The following PDGFRB variants were observed in gnomAD, a reference collection of about 807,000 sequenced individuals.
The protein encoded by PDGFRB is platelet-derived growth factor receptor beta.
In PDGFRB, 42 loss-of-function variants were observed where a neutral mutation model predicts 120.2. That is an observed-to-expected ratio of 0.35 (90% CI 0.27 to 0.45). The LOEUF is 0.45. PDGFRB is among the 20% of genes least tolerant of loss of function. PDGFRB has a pLI of 1.00. For synonymous variants in PDGFRB, 586 were observed against 606.8 expected (o/e 0.97, Z 0.50); for missense variants, 1,149 against 1,476.3 (o/e 0.78, Z 3.63).
rs1580798188 is a variant in PDGFRB, at chr5:150,123,077, G to A, written c.2148C>T (p.Tyr716=). 1 of 1,613,664 alleles carries A rather than the reference G, an allele frequency of 6.2e-7. No individual in the cohort carries two copies. Among genetic ancestry groups the A allele is most frequent in the Admixed American group, 1.7e-5 (1 of 60,012 alleles). The change falls in exon 15 of 23, where the codon TAC becomes TAT. Residue 716 remains tyrosine (Y), a synonymous_variant. Coordinates refer to ENST00000261799, the MANE Select transcript of PDGFRB (RefSeq NM_002609.4). ...DKRRPPSAEL[Y]SNALPVGLPL... ...GGAGCCCAACGGGCAGAGCATTGCTGTAGAGCTCCGCGCTGGGCGGGCGGC... is the reference window on the plus strand; with the variant it reads ...GGAGCCCAACGGGCAGAGCATTGCTATAGAGCTCCGCGCTGGGCGGGCGGC...
At chr5:150,140,134 C>G (rs1367521067) in intron 1 of PDGFRB, among the ~76,000 whole-genome samples, 1 of 152,124 alleles carries the variant, frequency 6.6e-6, no homozygotes, top group Non-Finnish European at 1.5e-5. Flanking sequence ...GGCACCCAGA[C>G]ATGACTTCCC....
rs768971476 is a variant in PDGFRB at position 150,129,799 on chromosome 5, C to T, written c.1537G>A (p.Ala513Thr). 22 of 1,613,824 alleles carry T rather than the reference C, an allele frequency of 1.4e-5. No individual in the cohort carries two copies. Among genetic ancestry groups the T allele is most frequent in the Admixed American group, 1.7e-5 (1 of 60,006 alleles). ...PLSVRCTLRN[A>T]VGQDTQEVIV... Reference sequence around the variant, plus strand: ...ACCTCCTGCGTGTCCTGGCCCACAGCGTTGCGCAGCGTGCAGCGCACCGAC... The same window carrying T: ...ACCTCCTGCGTGTCCTGGCCCACAGTGTTGCGCAGCGTGCAGCGCACCGAC... Residue 513 changes from alanine (A) to threonine (T), a missense_variant, in exon 10 of 23, where the codon GCT (alanine) becomes ACT (threonine). By Grantham distance (58) the Ala-to-Thr change is moderately conservative (BLOSUM62 0). Transcript: ENST00000261799.
intron 1 of PDGFRB, among the ~76,000 whole-genome samples, chr5:150,138,096 C>T (rs1760688548): frequency 6.6e-6 from 1 of 152,190 alleles, no homozygotes; most frequent in African/African-American, 2.4e-5. Flanking sequence ...AGACACACCT[C>T]AGGTCCCAAG....
At chr5:150,128,522 T>C (rs1017014480) in intron 10 of PDGFRB, among the ~76,000 whole-genome samples, 2 of 152,224 alleles carry the variant, frequency 1.3e-5, no homozygotes, top group Admixed American at 1.3e-4. Context: ...CCCCTTTATC[T>C]GCCACCCTTC....
chr5:150,141,979 G>A (rs952903248), intron 1 of PDGFRB, among the ~76,000 whole-genome samples: 2 of 151,960 alleles, frequency 1.3e-5, no homozygotes, highest in Non-Finnish European at 2.9e-5. Flanking sequence ...CAGGGAGAGG[G>A]GGGTGCTGGG....
intron 10 of PDGFRB, among the ~76,000 whole-genome samples, chr5:150,127,114 A>G (rs1001867432): frequency 6.6e-6 from 1 of 152,196 alleles, no homozygotes; most frequent in Non-Finnish European, 1.5e-5. Context: ...TGAGACCCCC[A>G]GCCTGATGAA....
chr5:150,125,428 G>T lies in PDGFRB; in HGVS notation c.1807+17C>A. On this transcript the variant is annotated intron_variant, in intron 12 of 22. Coordinates refer to ENST00000261799, the MANE Select transcript of PDGFRB (RefSeq NM_002609.4). Reference sequence around the variant, plus strand: ...CTTGAGTCCCCACACTGCCACATGAGGCCTCTCAGGACTGACCCAGCACAA... The same window carrying T: ...CTTGAGTCCCCACACTGCCACATGATGCCTCTCAGGACTGACCCAGCACAA... 6.2e-7 allele frequency: 1 copy of T among 1,601,100 alleles called. No individual in the cohort carries two copies. The highest frequency in any genetic ancestry group is 1.1e-5 in the South Asian group (1 of 90,154).
intron 3 of PDGFRB, among the ~76,000 whole-genome samples, 189 bp from the exon 4 acceptor site, chr5:150,135,205 G>A (rs975274991): frequency 6.6e-6 from 1 of 152,196 alleles, no homozygotes; most frequent in Non-Finnish European, 1.5e-5. Flanking sequence ...GATATTGACA[G>A]TGCCAGGGTA....
At chr5:150,149,296 C>A (rs1204286589) in intron 1 of PDGFRB, among the ~76,000 whole-genome samples, 1 of 152,192 alleles carries the variant, frequency 6.6e-6, no homozygotes, top group Non-Finnish European at 1.5e-5. Context: ...CCTGGCAGGA[C>A]AAGCTACATA....
chr5:150,123,110 G>T lies in PDGFRB; in HGVS notation c.2115C>A (p.Ser705=), dbSNP rs774004724. 1 of 1,613,998 alleles carries T rather than the reference G, an allele frequency of 6.2e-7. No homozygotes were observed. The highest frequency in any genetic ancestry group is 1.3e-5 in the African/African-American group (1 of 75,056). ...RNKHTFLQHH[S]DKRRPPSAEL... ...CCGCGCTGGGCGGGCGGCGCTTGTC[G>T]GAGTGGTGCTGCAGGAAGGTGTGTT... Residue 705 remains serine (S), a synonymous_variant, in exon 15 of 23, where the codon TCC becomes TCA. Transcript: ENST00000261799.
Position 150,125,446 on chromosome 5 carries a change from C to T in PDGFRB, c.1806G>A (p.Leu602=). 4.3e-6 allele frequency: 7 copies of T among 1,611,392 alleles called. No individual in the cohort carries two copies. Among genetic ancestry groups the T allele is most frequent in the Non-Finnish European group, 5.9e-6 (7 of 1,178,150 alleles). The change falls in exon 12 of 23, where the codon CTG becomes CTA. Residue 602 remains leucine (L), a splice_region_variant and synonymous_variant. Coordinates refer to ENST00000261799, the MANE Select transcript of PDGFRB (RefSeq NM_002609.4). ...TWELPRDQLV[L]GRTLGSGAFG... Reference sequence around the variant, plus strand: ...CACATGAGGCCTCTCAGGACTGACCCAGCACAAGCTGGTCCCGCGGCAGCT... The same window carrying T: ...CACATGAGGCCTCTCAGGACTGACCTAGCACAAGCTGGTCCCGCGGCAGCT...
rs1178383643 is a variant in PDGFRB, at chr5:150,115,781, T to C, written c.3303A>G (p.Ala1101=). ...DSGCPAPRAE[A]EDSFL ...CAGCCCCCTACAGGAAGCTATCCTC[T>C]GCTTCCGCCCGAGGCGCAGGGCACC... is the stretch of plus-strand genomic sequence containing the variant. Residue 1101 remains alanine, a synonymous_variant, in exon 23 of 23, where the codon GCA becomes GCG. Transcript: ENST00000261799. The C allele has an allele frequency of 1.9e-6, 3 of 1,608,366 alleles. No homozygotes were observed. The highest frequency in any genetic ancestry group is 4.5e-5 in the East Asian group (2 of 44,792).
intron 8 of PDGFRB, among the ~76,000 whole-genome samples, chr5:150,131,685 G>A (rs1760471036): frequency 6.6e-6 from 1 of 152,170 alleles, no homozygotes; most frequent in Non-Finnish European, 1.5e-5. Context: ...TACCTATCGA[G>A]TTAATAGTAC....
chr5:150,148,225 T>C (rs1282872351), intron 1 of PDGFRB, among the ~76,000 whole-genome samples: 1 of 152,230 alleles, frequency 6.6e-6, no homozygotes, highest in Non-Finnish European at 1.5e-5. Flanking sequence ...GTCTTAGTCC[T>C]TTAATATGAC....
chr5:150,134,189 C>T (rs957637444), intron 4 of PDGFRB, 181 bp from the exon 5 acceptor site: 4 of 617,616 alleles, frequency 6.5e-6, no homozygotes, highest in African/African-American at 3.7e-5. Context: ...ACTGGAGCAA[C>T]AGTAGTGAAC....
Position 150,120,833 on chromosome 5 carries a change from T to C in PDGFRB, c.2586+55A>G, listed in dbSNP as rs2113888640. The C allele has an allele frequency of 6.4e-7, 1 of 1,568,578 alleles. No individual in the cohort carries two copies. Among genetic ancestry groups the C allele is most frequent in the East Asian group, 2.2e-5 (1 of 44,582 alleles). Reference sequence around the variant, plus strand: ...GCCACACTGGTCAGGAGGGAATCTGTTCCTGCGGTCACAGGCACTGTGACT... The same window carrying C: ...GCCACACTGGTCAGGAGGGAATCTGCTCCTGCGGTCACAGGCACTGTGACT... On this transcript the variant is annotated intron_variant, in intron 18 of 22. Transcript: ENST00000261799. The surrounding 1 kb of genome is among the most constrained non-coding windows in gnomAD (Gnocchi z 4.3).
Position 150,127,862 on chromosome 5 carries a change from T to G in PDGFRB, c.1580-1248A>C, listed in dbSNP as rs533101992. Among the ~76,000 whole-genome samples the G allele has an allele frequency of 5.6e-5, 6 of 107,848 alleles. No individual in the cohort carries two copies. The East Asian group carries it at 9.5e-4, about 17-fold the overall frequency. 70.8% of individuals were successfully genotyped at this position (107,848 alleles called of 152,430 possible). On this transcript the variant is annotated intron_variant, in intron 10 of 22. Transcript: ENST00000261799. The stretch of plus-strand genomic sequence containing the variant: ...AAAAAAAAAAAAAAAAAAAAAAACT[T>G]TGGATGCTTCCCCATGTTATCAGTA...
chr5:150,152,209 G>A (rs1028258958), intron 1 of PDGFRB, among the ~76,000 whole-genome samples: 5 of 152,198 alleles, frequency 3.3e-5, no homozygotes, highest in South Asian at 4.2e-4. Flanking sequence ...GCCCAGCCTC[G>A]ATGGTTAAAT....
rs1760140461 is a variant in PDGFRB at position 150,121,690 on chromosome 5, C to T, written c.2344+190G>A. ...TCCCTGAGGGTTCTACGCATGTTTC[C>T]GGATCCATAAACAGGGCTTCCGTTT... On this transcript the variant is annotated intron_variant, in intron 16 of 22. Transcript: ENST00000261799. The surrounding 1 kb of genome is among the most constrained non-coding windows in gnomAD (Gnocchi z 4.1). Among the ~76,000 whole-genome samples the T allele has an allele frequency of 6.6e-6, 1 of 152,190 alleles. No individual in the cohort carries two copies. The highest frequency in any genetic ancestry group is 1.5e-5 in the Non-Finnish European group (1 of 68,032).
Sources: gnomAD v4.1 joint callset for allele counts (sites outside exome capture counted in the v4.1 genomes callset) on GRCh38, gnomAD v4.1.1 for gene constraint, Gnocchi (gnomAD v3.1) non-coding constraint, MANE v1.5 for transcripts, NCBI Gene and HGNC (gene_info 2026-07-23, HGNC 2026-07-21) for gene names.